The following ZDHHC11B variants were observed in gnomAD, a reference collection of about 807,000 sequenced individuals.
ZDHHC11B encodes the protein probable palmitoyltransferase ZDHHC11B.
Under a neutral mutation model 42.3 loss-of-function variants are expected in ZDHHC11B, and 17 were observed. That is an observed-to-expected ratio of 0.40 (90% CI 0.27 to 0.60). The LOEUF is 0.60. Among genes scored for constraint, ZDHHC11B ranks in the 20% least tolerant of loss-of-function variants. The probability of loss-of-function intolerance (pLI) is 0.41; values close to 1 mark genes in which losing one functional copy is unlikely to be tolerated. For synonymous variants in ZDHHC11B, 123 were observed against 193.5 expected (o/e 0.64, Z 3.02); for missense variants, 262 against 463.2 (o/e 0.57, Z 3.99).
intron 9 of ZDHHC11B, among the ~76,000 whole-genome samples, chr5:744,749 C>A (rs185606030): frequency 6.7e-6 from 1 of 148,868 alleles, no homozygotes. Context: ...CATACATCTG[C>A]GATCCCAGCT....
chr5:724,704 T>C (rs1697972), intron 12 of ZDHHC11B, among the ~76,000 whole-genome samples: 149 of 149,464 alleles, frequency 1.0e-3, no homozygotes, highest in African/African-American at 3.5e-3. Flanking sequence ...CACAGATGCA[T>C]ACTATTTATT....
At chr5:717,800 G>T (rs1356885765) in intron 12 of ZDHHC11B, among the ~76,000 whole-genome samples, 2 of 151,824 alleles carry the variant, frequency 1.3e-5, no homozygotes, top group Non-Finnish European at 2.9e-5. Context: ...TTGCCATGGA[G>T]GAGCAGTGGA....
At position 760,061 on chromosome 5, in the gene ZDHHC11B, G is replaced by A. The variant is rs544774319; in HGVS notation, c.223-3917C>T. ...CCTTTAGAAATGGAGATCCAGGTGTGGAGTGGGGGGTACAGGGGAGCCACA... is the reference window on the plus strand; with the variant it reads ...CCTTTAGAAATGGAGATCCAGGTGTAGAGTGGGGGGTACAGGGGAGCCACA... On this transcript the variant is annotated intron_variant, in intron 4 of 13. Transcript: ENST00000508859. 7.2e-5 allele frequency among the ~76,000 whole-genome samples: 11 copies of A among 151,996 alleles called. No homozygotes were observed. In the East Asian group the frequency reaches 2.1e-3, roughly 29 times the overall value.
intron 11 of ZDHHC11B, among the ~76,000 whole-genome samples, chr5:731,373 G>T (rs1743008186): frequency 6.7e-6 from 1 of 149,494 alleles, no homozygotes; most frequent in Non-Finnish European, 1.5e-5. Context: ...GTGAAGCTTT[G>T]TGCCTGGATG....
intron 9 of ZDHHC11B, among the ~76,000 whole-genome samples, chr5:743,063 A>C (rs1301463773): frequency 2.0e-5 from 3 of 149,880 alleles, no homozygotes; most frequent in African/African-American, 4.9e-5. Context: ...GAACTCAATC[A>C]TTCTTTTTTC....
At position 733,818 on chromosome 5, in the gene ZDHHC11B, C is replaced by A; in HGVS notation, c.957G>T (p.Leu319=). 4 of 1,608,582 alleles carry A rather than the reference C, an allele frequency of 2.5e-6. No individual in the cohort carries two copies. The highest frequency in any genetic ancestry group is 2.2e-5 in the South Asian group (2 of 90,884). ...AGTGACATGGGCATTTGTAAATCAG[C>A]AGGGAGCTCTTGGCCTTGACTCTGG... ...SAQGVKAKSS[L]LIYKCPCHFC... Residue 319 remains leucine, a synonymous_variant, in exon 11 of 14, where the codon CTG becomes CTT. Coordinates refer to ENST00000508859, the MANE Select transcript of ZDHHC11B (RefSeq NM_001351303.2).
intron 4 of ZDHHC11B, among the ~76,000 whole-genome samples, chr5:761,042 C>T (rs542890972): frequency 6.5e-4 from 99 of 151,930 alleles, no homozygotes; most frequent in African/African-American, 2.2e-3. Flanking sequence ...CTGTGCTGAC[C>T]TAAACACACC....
rs1417552442 is a variant in ZDHHC11B, at chr5:767,812, G to A, written c.-133-288C>T. Among the ~76,000 whole-genome samples, 7 of 48,598 alleles carry A rather than the reference G, an allele frequency of 1.4e-4. 1 individual carries two copies. Among genetic ancestry groups the A allele is most frequent in the Admixed American group, 8.4e-4 (3 of 3,552 alleles). The allele number at this position is 48,598 out of a possible 152,430, so 31.9% of individuals were successfully genotyped here. On this transcript the variant is annotated intron_variant, in intron 2 of 13. Coordinates refer to ENST00000508859, the MANE Select transcript of ZDHHC11B (RefSeq NM_001351303.2). ...AAGCAAAAGAGCTGTGTGGAAACGT[G>A]GGCAGAGCGCACCGTCTGTCACTGT...
chr5:728,217 A>T (rs879849678), intron 12 of ZDHHC11B, among the ~76,000 whole-genome samples: 3 of 151,986 alleles, frequency 2.0e-5, no homozygotes, highest in Non-Finnish European at 2.9e-5. Flanking sequence ...TAAAAGTGTT[A>T]TTTGGATAAA....
intron 13 of ZDHHC11B, among the ~76,000 whole-genome samples, chr5:712,931 T>TAC (rs1741480974): frequency 6.7e-6 from 1 of 148,616 alleles, no homozygotes; most frequent in African/African-American, 2.5e-5. Flanking sequence ...TGTGTGTGTA[T>TAC]ATATATATAT....
chr5:724,668 C>CAT (rs1425101712), intron 12 of ZDHHC11B, among the ~76,000 whole-genome samples: 2 of 150,022 alleles, frequency 1.3e-5, no homozygotes, highest in Admixed American at 6.7e-5. Flanking sequence ...CAGTTACACA[C>CAT]ACACACACAC....
intron 12 of ZDHHC11B, among the ~76,000 whole-genome samples, chr5:719,097 C>T (rs548748637): frequency 2.6e-5 from 4 of 151,948 alleles, no homozygotes; most frequent in South Asian, 2.1e-4. Flanking sequence ...AGAGCAACTT[C>T]AGTGACAAGA....
At chr5:742,417 T>G (rs1205595874) in intron 9 of ZDHHC11B, among the ~76,000 whole-genome samples, 1 of 139,834 alleles carries the variant, frequency 7.2e-6, no homozygotes, top group Non-Finnish European at 1.5e-5. Flanking sequence ...TGAAAATATT[T>G]TGTTTGCCTG....
At chr5:724,203 T>TTTTA (rs1201224050) in intron 12 of ZDHHC11B, among the ~76,000 whole-genome samples, 5 of 150,416 alleles carry the variant, frequency 3.3e-5, no homozygotes, top group African/African-American at 9.8e-5. Context: ...GTTCCATCTT[T>TTTTA]TTTATTTATT....
chr5:770,798 C>A (rs376181443), intron 1 of ZDHHC11B, among the ~76,000 whole-genome samples: 1 of 151,926 alleles, frequency 6.6e-6, no homozygotes, highest in Non-Finnish European at 1.5e-5. Context: ...CTGGGGGCAC[C>A]GGTGTCAGGG....
At chr5:766,983 G>A (rs1338901859) in intron 3 of ZDHHC11B, 64 bp from the exon 4 acceptor site, 7 of 1,555,696 alleles carry the variant, frequency 4.5e-6, no homozygotes, top group Non-Finnish European at 6.2e-6. Flanking sequence ...CCCACCCACT[G>A]TCAGGGAGAC....
chr5:717,684 T>C (rs557979280), intron 12 of ZDHHC11B, among the ~76,000 whole-genome samples: 2 of 151,920 alleles, frequency 1.3e-5, no homozygotes, highest in East Asian at 3.9e-4. Context: ...GAAACCTTTC[T>C]TGGATCAGAA....
chr5:742,281 C>A lies in ZDHHC11B; in HGVS notation c.901-653G>T, dbSNP rs1284704977. 1.4e-4 allele frequency among the ~76,000 whole-genome samples: 20 copies of A among 143,158 alleles called. 1 individual carries two copies. The highest frequency in any genetic ancestry group is 1.1e-4 in the Non-Finnish European group (7 of 66,022). 93.9% of individuals were successfully genotyped at this position (143,158 alleles called of 152,430 possible). A position where few individuals can be genotyped will look rare whatever the true frequency, so the allele number is the denominator to read the frequency against. ...TATAGGTGCTTCCCATTGTGTCCAGCCCTCTTGCCCATTTGAAAAACTGGG... is the reference window on the plus strand; with the variant it reads ...TATAGGTGCTTCCCATTGTGTCCAGACCTCTTGCCCATTTGAAAAACTGGG... On this transcript the variant is annotated intron_variant, in intron 9 of 13. Transcript: ENST00000508859.
At chr5:743,407 C>A (rs1744388862) in intron 9 of ZDHHC11B, among the ~76,000 whole-genome samples, 1 of 147,966 alleles carries the variant, frequency 6.8e-6, no homozygotes, top group African/African-American at 2.5e-5. Context: ...TTTGAATTTG[C>A]ATATACATTT....
Sources: allele counts gnomAD v4.1 joint callset (sites outside exome capture counted in the v4.1 genomes callset), GRCh38; gene constraint gnomAD v4.1.1; transcripts MANE v1.5; gene names NCBI Gene and HGNC (gene_info 2026-07-23, HGNC 2026-07-21).